Variants in BORCS5 observed in about 807,000 individuals in gnomAD.
BORCS5 encodes the protein BLOC-1-related complex subunit 5.
In BORCS5, 17 loss-of-function variants were observed where a neutral mutation model predicts 22.1. That is an observed-to-expected ratio of 0.77 (90% CI 0.53 to 1.15). The LOEUF is 1.15. Among genes scored for constraint, BORCS5 ranks in the 50% most tolerant of loss-of-function variants. The pLI is 0.00. For missense variants in BORCS5, 247 were observed against 253.2 expected (o/e 0.98, Z 0.17); for synonymous variants, 117 against 99.8 (o/e 1.17, Z -1.03).
chr12:12,416,779 CTT>C (rs36106735), intron 2 of BORCS5, among the ~76,000 whole-genome samples: 22 of 112,194 alleles, frequency 2.0e-4, no homozygotes, highest in African/African-American at 4.2e-4. Flanking sequence ...TTAATGTAAA[CTT>C]TTTTTTTTTT....
intron 2 of BORCS5, among the ~76,000 whole-genome samples, chr12:12,412,915 T>C (rs1240428863): frequency 7.0e-6 from 1 of 143,318 alleles, no homozygotes; most frequent in Non-Finnish European, 1.5e-5. Flanking sequence ...TTTTTTTTTT[T>C]TTTTTTTTTT....
At position 12,415,556 on chromosome 12, in the gene BORCS5, A is replaced by G. The variant is rs865999470; in HGVS notation, c.203-20072A>G. On this transcript the variant is annotated intron_variant, in intron 2 of 3. Coordinates refer to ENST00000314565, the MANE Select transcript of BORCS5 (RefSeq NM_058169.6). ...GAGACCGTGGAAGGAGACCGTGGAG[A>G]GAGGGGGAGGGGGAGGGGGAGGGGC... is the stretch of plus-strand genomic sequence containing the variant. Among the ~76,000 whole-genome samples the G allele has an allele frequency of 0.011, 36 of 3,298 alleles. No individual in the cohort carries two copies. In the South Asian group the frequency reaches 0.12, roughly 11 times the overall value. 2.2% of individuals were successfully genotyped at this position (3,298 alleles called of 152,430 possible).
intron 2 of BORCS5, among the ~76,000 whole-genome samples, chr12:12,428,787 G>T (rs976664559): frequency 8.5e-5 from 13 of 152,110 alleles, no homozygotes; most frequent in African/African-American, 3.1e-4. Flanking sequence ...AAGTAGATAT[G>T]ACAAAATATT....
rs991044199 is a variant in BORCS5, at chr12:12,419,447, A to T, written c.203-16181A>T. On this transcript the variant is annotated intron_variant, in intron 2 of 3. Coordinates refer to ENST00000314565, the MANE Select transcript of BORCS5 (RefSeq NM_058169.6). The stretch of plus-strand genomic sequence containing the variant: ...ATTTTCTTAATCCAGTCTATCATTG[A>T]TGGACATTTGGGTTGGTTCCAAGTC... Among the ~76,000 whole-genome samples, 118 of 152,300 alleles carry T rather than the reference A, an allele frequency of 7.7e-4. 1 individual carries two copies. Among genetic ancestry groups the T allele is most frequent in the African/African-American group, 2.7e-3 (114 of 41,558 alleles).
rs1206689827 is a variant in BORCS5, at chr12:12,470,056, G to A, written c.*4280G>A. The stretch of plus-strand genomic sequence containing the variant: ...CAGGAGGTGAGCGGCGGATGAGCAG[G>A]TGAAGCTTCACGTGTTGTTGTTGTT... On this transcript the variant is annotated 3_prime_UTR_variant, in exon 4 of 4. Coordinates refer to ENST00000314565, the MANE Select transcript of BORCS5 (RefSeq NM_058169.6). Among the ~76,000 whole-genome samples, 3 of 152,010 alleles carry A rather than the reference G, an allele frequency of 2.0e-5. No individual in the cohort carries two copies. Among genetic ancestry groups the A allele is most frequent in the Non-Finnish European group, 4.4e-5 (3 of 68,002 alleles).
intron 2 of BORCS5, among the ~76,000 whole-genome samples, chr12:12,419,704 A>G (rs925750918): frequency 6.6e-6 from 1 of 152,140 alleles, no homozygotes; most frequent in African/African-American, 2.4e-5. Flanking sequence ...TCTCCAGCAC[A>G]TGTTGTTTCA....
chr12:12,464,320 T>A (rs1424547826), intron 3 of BORCS5, among the ~76,000 whole-genome samples: 1 of 151,910 alleles, frequency 6.6e-6, no homozygotes, highest in Non-Finnish European at 1.5e-5. Flanking sequence ...TTCGGTCGCC[T>A]CCCGCCCCTC....
chr12:12,432,446 G>A (rs1942454630), intron 2 of BORCS5, among the ~76,000 whole-genome samples: 1 of 152,170 alleles, frequency 6.6e-6, no homozygotes, highest in Non-Finnish European at 1.5e-5. Context: ...CTTGGTACAG[G>A]CACTCTGGGA....
intron 3 of BORCS5, chr12:12,452,318 A>G: frequency 1.4e-6 from 1 of 699,884 alleles, no homozygotes; most frequent in South Asian, 1.4e-5. Flanking sequence ...TTCCCCCATC[A>G]TCATTTCTGC....
intron 2 of BORCS5, among the ~76,000 whole-genome samples, chr12:12,412,797 T>A (rs940641718): frequency 1.3e-5 from 2 of 152,092 alleles, no homozygotes; most frequent in African/African-American, 4.8e-5. Flanking sequence ...TCTCCTTCCA[T>A]TCCTTGTTTG....
At chr12:12,422,692 C>G (rs575554364) in intron 2 of BORCS5, among the ~76,000 whole-genome samples, 3 of 152,096 alleles carry the variant, frequency 2.0e-5, no homozygotes, top group African/African-American at 2.4e-5. Flanking sequence ...AACTCTGCTC[C>G]TTTCCAGCTT....
At chr12:12,449,420 A>G (rs768733823) in intron 3 of BORCS5, among the ~76,000 whole-genome samples, 7 of 152,158 alleles carry the variant, frequency 4.6e-5, no homozygotes, top group Admixed American at 6.5e-5. Context: ...GCTGCCATCA[A>G]TGCCATTTGC....
rs1452211962 is a variant in BORCS5 at position 12,470,769 on chromosome 12, A to C, written c.*4993A>C. On this transcript the variant is annotated 3_prime_UTR_variant, in exon 4 of 4. Transcript: ENST00000314565. ...AGCCAGATAATTATCCACATGCTTC[A>C]AACCAAAAAGATAAAAAAGTTGGCA... Among the ~76,000 whole-genome samples, 1 of 151,194 alleles carries C rather than the reference A, an allele frequency of 6.6e-6. No individual in the cohort carries two copies. Among genetic ancestry groups the C allele is most frequent in the African/African-American group, 2.4e-5 (1 of 41,092 alleles).
chr12:12,430,830 A>T (rs1278648336), intron 2 of BORCS5, among the ~76,000 whole-genome samples: 1 of 152,174 alleles, frequency 6.6e-6, no homozygotes, highest in Non-Finnish European at 1.5e-5. Flanking sequence ...CAATGATAGC[A>T]CACTCTATGC....
At chr12:12,417,844 G>T (rs2136099720) in intron 2 of BORCS5, among the ~76,000 whole-genome samples, 1 of 152,078 alleles carries the variant, frequency 6.6e-6, no homozygotes, top group Admixed American at 6.5e-5. Context: ...GTTTCACCAT[G>T]TTGGCTGGGC....
In BORCS5 at chr12:12,466,924, T is replaced by C. The variant is rs1418247855; in HGVS notation, c.*1148T>C. 1 of 152,208 alleles carries C rather than the reference T, an allele frequency of 6.6e-6. No individual in the cohort carries two copies. The highest frequency in any genetic ancestry group is 2.4e-5 in the African/African-American group (1 of 41,456). 9.4% of individuals were successfully genotyped at this position (152,208 alleles called of 1,614,324 possible). A position where few individuals can be genotyped will look rare whatever the true frequency, so the allele number is the denominator to read the frequency against. Reference sequence around the variant, plus strand: ...TAATTTAATGTATCTTGGCTAAACTTGATCTGATTCTAATCTTGGTTTGAG... The same window carrying C: ...TAATTTAATGTATCTTGGCTAAACTCGATCTGATTCTAATCTTGGTTTGAG... On this transcript the variant is annotated 3_prime_UTR_variant, in exon 4 of 4. Transcript: ENST00000314565.
At chr12:12,389,242 A>T (rs1379404691) in intron 2 of BORCS5, among the ~76,000 whole-genome samples, 1 of 141,562 alleles carries the variant, frequency 7.1e-6, no homozygotes, top group African/African-American at 2.7e-5. Context: ...GGTTCAAGGG[A>T]TTCTCCTGCC....
At chr12:12,453,371 A>T (rs546236155) in intron 3 of BORCS5, among the ~76,000 whole-genome samples, 1 of 152,358 alleles carries the variant, frequency 6.6e-6, no homozygotes, top group African/African-American at 2.4e-5. Context: ...CCAGGATCTT[A>T]TGAACACAGC....
At chr12:12,373,459 G>T (rs1487326527) in intron 2 of BORCS5, among the ~76,000 whole-genome samples, 1 of 152,178 alleles carries the variant, frequency 6.6e-6, no homozygotes, top group African/African-American at 2.4e-5. Flanking sequence ...TGTGCTGCCT[G>T]TTATACAGTA....
Sources: allele counts gnomAD v4.1 joint callset (sites outside exome capture counted in the v4.1 genomes callset), GRCh38; gene constraint gnomAD v4.1.1; transcripts MANE v1.5; gene names NCBI Gene and HGNC (gene_info 2026-07-23, HGNC 2026-07-21).